The following SLC7A1 variants were observed in gnomAD, a reference collection of about 807,000 sequenced individuals.
SLC7A1 encodes the protein solute carrier family 7 member 1, also known as high affinity cationic amino acid transporter 1.
Under a neutral mutation model 53.9 loss-of-function variants are expected in SLC7A1, and 10 were observed. The observed-to-expected ratio is 0.19, with a 90% confidence interval of 0.11 to 0.31. The LOEUF (loss-of-function observed/expected upper bound fraction) is 0.31, where lower values mean the gene tolerates loss of function less well. Ranked by LOEUF, SLC7A1 falls within the 10% of genes least tolerant of loss-of-function variation. The probability of loss-of-function intolerance (pLI) is 1.00; values close to 1 mark genes in which losing one functional copy is unlikely to be tolerated. For synonymous variants in SLC7A1, 342 were observed against 338.7 expected, an observed-to-expected ratio of 1.01 and a Z score of -0.11; for missense variants, 525 against 827.2, an observed-to-expected ratio of 0.63 and a Z score of 4.48.
chr13:29,564,097 G>A (rs141543585), intron 1 of SLC7A1, among the ~76,000 whole-genome samples: 23 of 152,280 alleles, frequency 1.5e-4, no homozygotes, highest in African/African-American at 5.1e-4. Context: ...GGGAGAAAGA[G>A]GAAGGGAGGA....
In SLC7A1 at chr13:29,517,136, C is replaced by G. The variant is rs767713364; in HGVS notation, c.1677+8G>C. 6.3e-7 allele frequency: 1 copy of G among 1,590,224 alleles called. No individual in the cohort carries two copies. The highest frequency in any genetic ancestry group is 1.1e-5 in the South Asian group (1 of 87,520). On this transcript the variant is annotated splice_region_variant and intron_variant, in intron 11 of 12. Transcript: ENST00000380752. ...ACCAGGGTTCCTTCCCTAGGCCGAG[C>G]TGCTCACCTTAAATGAGAGCTTGGT...
chr13:29,566,514 A>C (rs1051669003), intron 1 of SLC7A1, among the ~76,000 whole-genome samples: 2 of 152,252 alleles, frequency 1.3e-5, no homozygotes, highest in African/African-American at 4.8e-5. Context: ...AAGTGAAAGA[A>C]GCCAGACATA....
At chr13:29,518,818 G>A (rs1002115748) in intron 9 of SLC7A1, among the ~76,000 whole-genome samples, 3 of 152,050 alleles carry the variant, frequency 2.0e-5, no homozygotes, top group African/African-American at 4.8e-5. Context: ...TGGAAGCTGC[G>A]CAGGGATGTG....
intron 2 of SLC7A1, among the ~76,000 whole-genome samples, chr13:29,548,859 C>T (rs566467670): frequency 5.9e-5 from 9 of 152,250 alleles, no homozygotes; most frequent in South Asian, 2.1e-4. Flanking sequence ...GGATTATCTA[C>T]GCAGTTCATG....
In SLC7A1 at chr13:29,522,360, G is replaced by A; in HGVS notation, c.1146C>T (p.Thr382=). 6.2e-7 allele frequency: 1 copy of A among 1,614,148 alleles called. No homozygotes were observed. The stretch of plus-strand genomic sequence containing the variant: ...CTAATGTGGCGATTATTGGTGTTTT[G>A]GTCCTATCATTGACGTTGGCTAAGA... The part of the protein sequence containing the change: ...FKFLANVNDR[T]KTPIIATLAS... The change falls in exon 8 of 13, where the codon ACC becomes ACT. Residue 382 remains threonine, a synonymous_variant. Coordinates refer to ENST00000380752, the MANE Select transcript of SLC7A1 (RefSeq NM_003045.5).
intron 1 of SLC7A1, among the ~76,000 whole-genome samples, chr13:29,583,675 C>T (rs1018417300): frequency 1.3e-5 from 2 of 152,162 alleles, no homozygotes; most frequent in African/African-American, 2.4e-5. Context: ...GACGGCAATG[C>T]CCTCACCTTG....
intron 2 of SLC7A1, among the ~76,000 whole-genome samples, chr13:29,542,644 C>T (rs902865267): frequency 6.7e-5 from 10 of 149,718 alleles, no homozygotes; most frequent in Middle Eastern, 3.5e-3. Flanking sequence ...GATCACACAC[C>T]GCACTCCAGC....
At position 29,522,389 on chromosome 13, in the gene SLC7A1, T is replaced by C; in HGVS notation, c.1117A>G (p.Lys373Glu). 6.2e-7 allele frequency: 1 copy of C among 1,614,154 alleles called. No individual in the cohort carries two copies. The highest frequency in any genetic ancestry group is 8.5e-7 in the Non-Finnish European group (1 of 1,179,978). Residue 373 changes from lysine (K) to glutamate (E), a missense_variant, in exon 8 of 13, where the codon AAA (lysine) becomes GAA (glutamate). Coordinates refer to ENST00000380752, the MANE Select transcript of SLC7A1 (RefSeq NM_003045.5). Reference sequence around the variant, plus strand: ...CTATCATTGACGTTGGCTAAGAATTTAAATAGCAGTCCATCCTCAGCCATG... The same window carrying C: ...CTATCATTGACGTTGGCTAAGAATTCAAATAGCAGTCCATCCTCAGCCATG... ...YAMAEDGLLF[K>E]FLANVNDRTK...
At chr13:29,578,785 C>G (rs1871519634) in intron 1 of SLC7A1, among the ~76,000 whole-genome samples, 1 of 152,258 alleles carries the variant, frequency 6.6e-6, no homozygotes, top group South Asian at 2.1e-4. Context: ...CCCCGGCTCC[C>G]TGTCACAGCC....
chr13:29,526,878 C>G (rs138314138), intron 5 of SLC7A1, among the ~76,000 whole-genome samples: 1 of 152,280 alleles, frequency 6.6e-6, no homozygotes, highest in African/African-American at 2.4e-5. Flanking sequence ...GGTGAAGGCA[C>G]GTGCTGTGCT....
chr13:29,558,005 C>T (rs111205460), intron 1 of SLC7A1, among the ~76,000 whole-genome samples: 108 of 132 alleles, frequency 0.82, 52 homozygotes, highest in East Asian at 1. Flanking sequence ...GGAGTGAATG[C>T]GAATGAGGGG....
intron 2 of SLC7A1, among the ~76,000 whole-genome samples, chr13:29,548,431 C>T (rs750080580): frequency 2.6e-5 from 4 of 152,224 alleles, no homozygotes; most frequent in Non-Finnish European, 4.4e-5. Flanking sequence ...AGTAACCGGG[C>T]GAGGCTGGCA....
chr13:29,583,193 G>T (rs955114220), intron 1 of SLC7A1, among the ~76,000 whole-genome samples: 1 of 152,206 alleles, frequency 6.6e-6, no homozygotes, highest in Non-Finnish European at 1.5e-5. Flanking sequence ...ACCCGTGCCC[G>T]CATGCACAGT....
rs376971257 is a variant in SLC7A1, at chr13:29,536,128, A to G, written c.61T>C (p.Cys21Arg). Reference protein sequence around the residue: ...QQMLRRKVVDCSREETRLSRC... With the variant: ...QQMLRRKVVDRSREETRLSRC... The stretch of plus-strand genomic sequence containing the variant: ...GACAGCCGCGTCTCCTCCCGGCTAC[A>G]GTCCACCACCTTCCGCCGCAGCATC... The change falls in exon 3 of 13, where the codon TGT (cysteine) becomes CGT (arginine). Residue 21 changes from cysteine (C) to arginine (R), a missense_variant. Physicochemically the swap from Cys to Arg is radical, Grantham distance 180. This residue lies in a region of SLC7A1 where 354 missense variants were observed against 587.5 expected (regional missense o/e 0.60). Transcript: ENST00000380752. 29 of 1,613,940 alleles carry G rather than the reference A, an allele frequency of 1.8e-5. No homozygotes were observed. The highest frequency in any genetic ancestry group is 4.5e-5 in the East Asian group (2 of 44,904).
chr13:29,551,223 G>A (rs1215691248), intron 2 of SLC7A1, among the ~76,000 whole-genome samples: 1 of 152,186 alleles, frequency 6.6e-6, no homozygotes, highest in Non-Finnish European at 1.5e-5. Flanking sequence ...CACAATGATC[G>A]ATCCATGCAA....
At chr13:29,566,696 T>G (rs2669038) in intron 1 of SLC7A1, among the ~76,000 whole-genome samples, 1 of 152,098 alleles carries the variant, frequency 6.6e-6, no homozygotes, top group Non-Finnish European at 1.5e-5. Flanking sequence ...GGCTGCATAA[T>G]CCTGTGAATT....
intron 3 of SLC7A1, among the ~76,000 whole-genome samples, chr13:29,535,026 C>G (rs1293506414): frequency 6.6e-6 from 1 of 152,176 alleles, no homozygotes; most frequent in Non-Finnish European, 1.5e-5. Flanking sequence ...TGCCCAGTGC[C>G]CACACTGCAG....
rs191069478 is a variant in SLC7A1 at position 29,582,981 on chromosome 13, A to T, written c.-115+12435T>A. Among the ~76,000 whole-genome samples the T allele has an allele frequency of 1.1e-4, 16 of 152,356 alleles. No individual in the cohort carries two copies. The South Asian group carries it at 2.7e-3, about 26-fold the overall frequency. The stretch of plus-strand genomic sequence containing the variant: ...GACTGTTACAAAATGCACCCAATGT[A>T]CACAACTACAATGGAAATGTTTCCT... On this transcript the variant is annotated intron_variant, in intron 1 of 12. Coordinates refer to ENST00000380752, the MANE Select transcript of SLC7A1 (RefSeq NM_003045.5).
At chr13:29,587,805 C>G (rs1396480008) in intron 1 of SLC7A1, among the ~76,000 whole-genome samples, 1 of 152,196 alleles carries the variant, frequency 6.6e-6, no homozygotes, top group African/African-American at 2.4e-5. Flanking sequence ...CATGAAAGAC[C>G]GTCAGCTCCA....
Sources: gnomAD v4.1 joint callset for allele counts (sites outside exome capture counted in the v4.1 genomes callset) on GRCh38, gnomAD v4.1.1 for gene constraint, gnomAD v4.1.1 regional missense constraint, MANE v1.5 for transcripts, NCBI Gene and HGNC (gene_info 2026-07-23, HGNC 2026-07-21) for gene names.